Variants in ZNF471 observed in about 807,000 individuals in gnomAD.
The protein encoded by ZNF471 is EZFIT-related protein 1.
ZNF471 carries 7 observed loss-of-function variants against 13.7 expected under a neutral mutation model. The observed-to-expected ratio is 0.51, with a 90% CI of 0.29 to 0.96. The LOEUF (loss-of-function observed/expected upper bound fraction) is 0.96. Ranked by LOEUF, ZNF471 falls within the 40% of genes least tolerant of loss-of-function variation. The pLI, the probability that ZNF471 is intolerant of heterozygous loss-of-function variation, is 0.08. For missense variants in ZNF471, 663 were observed against 743.3 expected (o/e 0.89, Z 1.26); for synonymous variants, 218 against 235.6 (o/e 0.93, Z 0.68).
intron 2 of ZNF471, among the ~76,000 whole-genome samples, chr19:56,515,335 G>C (rs2147911222): frequency 6.6e-6 from 1 of 152,264 alleles, no homozygotes; most frequent in South Asian, 2.1e-4. Context: ...TGAAATGATG[G>C]TTCTTAGTTC....
chr19:56,512,097 T>C (rs1339099033), intron 2 of ZNF471, among the ~76,000 whole-genome samples: 1 of 151,908 alleles, frequency 6.6e-6, no homozygotes, highest in Non-Finnish European at 1.5e-5. Flanking sequence ...AAAAATCTTA[T>C]TCTACTTAAT....
chr19:56,527,034 C>T lies in ZNF471; in HGVS notation c.*1086C>T, dbSNP rs377344567. ...GGTCCCTGACCCCCATGCCTCCTGA[C>T]GGGGAGACACCTCCCAGCAGGGGTC... On this transcript the variant is annotated 3_prime_UTR_variant, in exon 5 of 5. Coordinates refer to ENST00000308031, the MANE Select transcript of ZNF471 (RefSeq NM_020813.4). The T allele has an allele frequency of 4.1e-4, 64 of 157,556 alleles. No homozygotes were observed. Among genetic ancestry groups the T allele is most frequent in the South Asian group, 6.0e-4 (3 of 4,980 alleles). The allele number at this position is 157,556 out of a possible 1,614,324, so 9.8% of individuals were successfully genotyped here.
Position 56,516,220 on chromosome 19 carries a change from A to C in ZNF471, c.34-55A>C. 1 of 1,585,634 alleles carries C rather than the reference A, an allele frequency of 6.3e-7. No individual in the cohort carries two copies. Among genetic ancestry groups the C allele is most frequent in the Non-Finnish European group, 8.6e-7 (1 of 1,158,816 alleles). On this transcript the variant is annotated intron_variant, in intron 2 of 4. Transcript: ENST00000308031. This position sits in a 1 kb window ranked among gnomAD's most constrained non-coding sequence, Gnocchi z 4.4. ...AAGTAGAGACACTTTGGATCAACTC[A>C]GAGTTATCTTTGGACACGAGCATTG...
At position 56,525,848 on chromosome 19, in the gene ZNF471, C is replaced by G. The variant is rs150662418; in HGVS notation, c.1781C>G (p.Thr594Ser). Residue 594 changes from threonine to serine, a missense_variant, in exon 5 of 5, where the codon ACT (threonine) becomes AGT (serine). By Grantham distance (58) the Thr-to-Ser change is moderately conservative (BLOSUM62 1). Coordinates refer to ENST00000308031, the MANE Select transcript of ZNF471 (RefSeq NM_020813.4). ...TGTGCTCAGCATCAAAGACTCCACACTGGCCAAAGGCCCTATCAGTGTTTT... is the reference window on the plus strand; with the variant it reads ...TGTGCTCAGCATCAAAGACTCCACAGTGGCCAAAGGCCCTATCAGTGTTTT... The part of the protein sequence containing the change: ...SSCAQHQRLH[T>S]GQRPYQCFEC... 1.1e-5 allele frequency: 18 copies of G among 1,613,630 alleles called. No homozygotes were observed. In the African/African-American group the frequency reaches 1.6e-4, roughly 14 times the overall value.
chr19:56,510,601 T>C lies in ZNF471; in HGVS notation c.-55-916T>C, dbSNP rs2043797006. 1 of 985,672 alleles carries C rather than the reference T, an allele frequency of 1.0e-6. No individual in the cohort carries two copies. The highest frequency in any genetic ancestry group is 1.2e-6 in the Non-Finnish European group (1 of 829,996). The allele number at this position is 985,672 out of a possible 1,614,324, so 61.1% of individuals were successfully genotyped here. On this transcript the variant is annotated intron_variant, in intron 1 of 4. Transcript: ENST00000308031. This position sits in a 1 kb window ranked among gnomAD's most constrained non-coding sequence, Gnocchi z 4.3. ...ATGTGACTGTGTATATGTGCTTGTT[T>C]TGGGGTGCTTGTGATTGTGTCCTCC...
intron 1 of ZNF471, among the ~76,000 whole-genome samples, chr19:56,509,317 GA>G (rs2043778068): frequency 6.6e-6 from 1 of 152,186 alleles, no homozygotes; most frequent in Non-Finnish European, 1.5e-5. Context: ...CCAGATAGCT[GA>G]ACACTGGAGG....
Position 56,508,150 on chromosome 19 carries a change from T to A in ZNF471, c.-56+230T>A. The A allele has an allele frequency of 1.0e-6, 1 of 984,448 alleles. No individual in the cohort carries two copies. Among genetic ancestry groups the A allele is most frequent in the Non-Finnish European group, 1.2e-6 (1 of 829,642 alleles). 61.0% of individuals were successfully genotyped at this position (984,448 alleles called of 1,614,324 possible). ...GCTTGGGGCGGCGGGACCACTGGAG[T>A]GAGCTGTGGGAGAGATGGGGGTGTG... On this transcript the variant is annotated intron_variant, in intron 1 of 4. Coordinates refer to ENST00000308031, the MANE Select transcript of ZNF471 (RefSeq NM_020813.4). The surrounding 1 kb of genome is among the most constrained non-coding windows in gnomAD (Gnocchi z 4.7).
Position 56,515,812 on chromosome 19 carries a change from G to A in ZNF471, c.34-463G>A, listed in dbSNP as rs944067856. On this transcript the variant is annotated intron_variant, in intron 2 of 4. Coordinates refer to ENST00000308031, the MANE Select transcript of ZNF471 (RefSeq NM_020813.4). Reference sequence around the variant, plus strand: ...TCTGCAACTGTGGGTTCTACCAACCGTGGGTGGAAAACACAGTATTCACTG... The same window carrying A: ...TCTGCAACTGTGGGTTCTACCAACCATGGGTGGAAAACACAGTATTCACTG... Among the ~76,000 whole-genome samples the A allele has an allele frequency of 7.2e-5, 11 of 152,036 alleles. No individual in the cohort carries two copies. The East Asian group carries it at 2.1e-3, about 29-fold the overall frequency.
rs1406130147 is a variant in ZNF471 at position 56,528,863 on chromosome 19, T to G, written c.*2915T>G. On this transcript the variant is annotated 3_prime_UTR_variant, in exon 5 of 5. Transcript: ENST00000308031. ...TATTTCAACATGTGGGTTCACAGAT[T>G]TATTCTAACCTTCCAAGTAAAGTTG... is the stretch of plus-strand genomic sequence containing the variant. 1 of 152,184 alleles carries G rather than the reference T, an allele frequency of 6.6e-6. No individual in the cohort carries two copies. The highest frequency in any genetic ancestry group is 2.4e-5 in the African/African-American group (1 of 41,448). 9.4% of individuals were successfully genotyped at this position (152,184 alleles called of 1,614,324 possible).
At chr19:56,511,380 C>A in intron 1 of ZNF471, 137 bp from the exon 2 acceptor site, 1 of 595,102 alleles carries the variant, frequency 1.7e-6, no homozygotes, top group Non-Finnish European at 2.8e-6. Context: ...GAGTTTTAGC[C>A]CTTCAGTGGC....
Position 56,508,171 on chromosome 19 carries a change from G to C in ZNF471, c.-56+251G>C, listed in dbSNP as rs1261031496. ...GGAGTGAGCTGTGGGAGAGATGGGG[G>C]TGTGCCTGTGTGTAAAAGATCTGTC... On this transcript the variant is annotated intron_variant, in intron 1 of 4. Coordinates refer to ENST00000308031, the MANE Select transcript of ZNF471 (RefSeq NM_020813.4). The surrounding 1 kb of genome is among the most constrained non-coding windows in gnomAD (Gnocchi z 4.7). 1.0e-6 allele frequency: 1 copy of C among 985,228 alleles called. No homozygotes were observed. Among genetic ancestry groups the C allele is most frequent in the African/African-American group, 1.7e-5 (1 of 57,214 alleles). 61.0% of individuals were successfully genotyped at this position (985,228 alleles called of 1,614,324 possible). A position where few individuals can be genotyped will look rare whatever the true frequency, so the allele number is the denominator to read the frequency against.
At chr19:56,509,761 C>T (rs1434170814) in intron 1 of ZNF471, 2 of 329,954 alleles carry the variant, frequency 6.1e-6, no homozygotes, top group Non-Finnish European at 8.0e-6. Flanking sequence ...GTGTAGATCC[C>T]CACACATCTG....
chr19:56,520,307 T>TA (rs1205034640), intron 4 of ZNF471, among the ~76,000 whole-genome samples: 2 of 152,226 alleles, frequency 1.3e-5, no homozygotes, highest in African/African-American at 2.4e-5. Flanking sequence ...TAGTGTCTGT[T>TA]AAAAAAGGCC....
Position 56,510,466 on chromosome 19 carries a change from G to C in ZNF471, c.-55-1051G>C. On this transcript the variant is annotated intron_variant, in intron 1 of 4. Coordinates refer to ENST00000308031, the MANE Select transcript of ZNF471 (RefSeq NM_020813.4). The surrounding 1 kb of genome is among the most constrained non-coding windows in gnomAD (Gnocchi z 4.3). ...GAAGCATGCATGTGTGAGTGAGACA[G>C]AGATAAGGGACAGTGAGCTGTGTGT... 8 of 985,418 alleles carry C rather than the reference G, an allele frequency of 8.1e-6. No homozygotes were observed. Among genetic ancestry groups the C allele is most frequent in the Non-Finnish European group, 9.6e-6 (8 of 829,930 alleles). The allele number at this position is 985,418 out of a possible 1,614,324, so 61.0% of individuals were successfully genotyped here.
At position 56,524,629 on chromosome 19, in the gene ZNF471, T is replaced by C. The variant is rs2044019218; in HGVS notation, c.562T>C (p.Ser188Pro). ...YNHTSDKKSF[S>P]KNSMVIKHKK... ...TCACACATCAGATAAAAAAAGCTTC[T>C]CCAAAAATTCTATGGTAATAAAACA... Residue 188 changes from serine (S) to proline (P), a missense_variant, in exon 5 of 5, where the codon TCC (serine) becomes CCC (proline). Ser to Pro is a moderately conservative substitution (Grantham distance 74). Transcript: ENST00000308031. This position sits in a 1 kb window ranked among gnomAD's most constrained non-coding sequence, Gnocchi z 4.8. 1 of 1,586,594 alleles carries C rather than the reference T, an allele frequency of 6.3e-7. No homozygotes were observed. The highest frequency in any genetic ancestry group is 1.4e-5 in the African/African-American group (1 of 72,838).
intron 1 of ZNF471, among the ~76,000 whole-genome samples, chr19:56,509,365 C>T (rs1172658190): frequency 6.6e-6 from 1 of 152,036 alleles, no homozygotes; most frequent in Non-Finnish European, 1.5e-5. Context: ...ATAACCTTGT[C>T]CTATGCATTT....
intron 4 of ZNF471, among the ~76,000 whole-genome samples, chr19:56,521,654 A>AC (rs1020225886): frequency 1.4e-5 from 2 of 138,586 alleles, no homozygotes; most frequent in African/African-American, 2.7e-5. Context: ...AAAAAAAAAA[A>AC]AAAAACTCTT....
rs572902872 is a variant in ZNF471, at chr19:56,521,073, T to A, written c.256+2496T>A. Among the ~76,000 whole-genome samples the A allele has an allele frequency of 2.0e-5, 3 of 152,202 alleles. No individual in the cohort carries two copies. The East Asian group carries it at 5.8e-4, about 29-fold the overall frequency. ...GACTCCCATTTACAAAACCATCAGA[T>A]CTCGTGAGACTTATTCACTGCCAGT... On this transcript the variant is annotated intron_variant, in intron 4 of 4. Coordinates refer to ENST00000308031, the MANE Select transcript of ZNF471 (RefSeq NM_020813.4).
In ZNF471 at chr19:56,528,123, A is replaced by G. The variant is rs966709860; in HGVS notation, c.*2175A>G. ...CTCCGATAAGCAAAAAAGTCCTCAC[A>G]TTCAATGGGTTGCATACCCATGAAT... On this transcript the variant is annotated 3_prime_UTR_variant, in exon 5 of 5. Coordinates refer to ENST00000308031, the MANE Select transcript of ZNF471 (RefSeq NM_020813.4). 2.6e-5 allele frequency: 4 copies of G among 152,216 alleles called. No individual in the cohort carries two copies. The highest frequency in any genetic ancestry group is 2.0e-4 in the Admixed American group (3 of 15,288). 9.4% of individuals were successfully genotyped at this position (152,216 alleles called of 1,614,324 possible).
Sources: allele counts gnomAD v4.1 joint callset (sites outside exome capture counted in the v4.1 genomes callset), GRCh38; gene constraint gnomAD v4.1.1; non-coding constraint Gnocchi (gnomAD v3.1); transcripts MANE v1.5; gene names NCBI Gene and HGNC (gene_info 2026-07-23, HGNC 2026-07-21).